The following ZRANB1 variants were observed in gnomAD, a reference collection of about 807,000 sequenced individuals.
ZRANB1 encodes the protein zinc finger RANBP2-type containing 1, also known as ubiquitin thioesterase ZRANB1.
Under a neutral mutation model 80.5 loss-of-function variants are expected in ZRANB1, and 16 were observed. The ratio of observed to expected loss-of-function variants is 0.20; its 90% confidence interval spans 0.13 to 0.30. The LOEUF is 0.30. Among genes scored for constraint, ZRANB1 ranks in the 10% least tolerant of loss-of-function variants. The pLI, the probability that ZRANB1 is intolerant of heterozygous loss-of-function variation, is 1.00. For synonymous variants in ZRANB1, 291 were observed against 293.1 expected, an observed-to-expected ratio of 0.99 and a Z score of 0.07; for missense variants, 576 against 862.6, an observed-to-expected ratio of 0.67 and a Z score of 4.16.
At chr10:124,918,489 TGA>T in the ZRANB1 span, among the ~76,000 whole-genome samples, 2 of 152,250 alleles carry the variant, frequency 1.3e-5, no homozygotes, top group African/African-American at 4.8e-5. Context: ...GCGCTTGGCC[TGA>T]GAGAAATCTT....
At chr10:124,940,257 C>T (rs779687664), upstream of ZRANB1, among the ~76,000 whole-genome samples, 6 of 152,136 alleles carry the variant, frequency 3.9e-5, no homozygotes, top group Non-Finnish European at 7.4e-5. Flanking sequence ...TATAGTTGTC[C>T]ATTGTTAAAA....
At chr10:124,971,145 G>A (rs1483211688) in intron 2 of ZRANB1, among the ~76,000 whole-genome samples, 1 of 152,038 alleles carries the variant, frequency 6.6e-6, no homozygotes, top group African/African-American at 2.4e-5. Context: ...TTTGTTACTC[G>A]CAGATGCTCA....
chr10:124,978,247 A>G (rs76810485), intron 5 of ZRANB1, among the ~76,000 whole-genome samples: 12,408 of 152,208 alleles, frequency 0.082, 699 homozygotes, highest in Admixed American at 0.16. Context: ...TGGGTTTTCT[A>G]GGCCAGGAGA....
chr10:124,950,229 A>G (rs1337306712), intron 1 of ZRANB1, among the ~76,000 whole-genome samples: 3 of 152,030 alleles, frequency 2.0e-5, no homozygotes, highest in Admixed American at 6.6e-5. Flanking sequence ...GGCTCAAGCA[A>G]TTCTCCTACC....
intron 1 of ZRANB1, among the ~76,000 whole-genome samples, chr10:124,963,658 G>A (rs541123658): frequency 2.8e-5 from 4 of 142,988 alleles, no homozygotes; most frequent in Admixed American, 7.6e-5. Context: ...AATTATATGC[G>A]TATGGGCCAA....
At chr10:124,961,030 C>T (rs1331986276) in intron 1 of ZRANB1, among the ~76,000 whole-genome samples, 1 of 150,430 alleles carries the variant, frequency 6.6e-6, no homozygotes, top group South Asian at 2.1e-4. Flanking sequence ...GACAGAGTTT[C>T]GCTCTTTGTT....
intron 5 of ZRANB1, among the ~76,000 whole-genome samples, chr10:124,979,156 A>G (rs140446182): frequency 5.0e-4 from 76 of 152,302 alleles, no homozygotes; most frequent in Non-Finnish European, 9.4e-4. Context: ...CATTGCTGAT[A>G]GCAACGAAAA....
chr10:124,952,816 G>A (rs1280196512), intron 1 of ZRANB1, among the ~76,000 whole-genome samples: 3 of 152,160 alleles, frequency 2.0e-5, no homozygotes, highest in African/African-American at 7.2e-5. Flanking sequence ...CACCATGTTG[G>A]CCAGGCTAGT....
chr10:124,927,613 G>A, the ZRANB1 span, among the ~76,000 whole-genome samples: 1 of 152,274 alleles, frequency 6.6e-6, no homozygotes, highest in Non-Finnish European at 1.5e-5. Flanking sequence ...TTAACTAAAT[G>A]ATTAATAAGC....
the ZRANB1 span, among the ~76,000 whole-genome samples, chr10:124,930,565 C>G: frequency 6.6e-6 from 1 of 152,180 alleles, no homozygotes; most frequent in Non-Finnish European, 1.5e-5. Flanking sequence ...GGTACCTGAC[C>G]TGGTACATTT....
the ZRANB1 span, among the ~76,000 whole-genome samples, chr10:124,932,638 TAGTGTC>T: frequency 6.6e-6 from 1 of 152,082 alleles, no homozygotes; most frequent in African/African-American, 2.4e-5. Flanking sequence ...TAGCATTTGT[TAGTGTC>T]AGTGTTTTGG....
At chr10:124,969,556 A>G (rs901948584) in intron 2 of ZRANB1, among the ~76,000 whole-genome samples, 6 of 152,186 alleles carry the variant, frequency 3.9e-5, no homozygotes, top group Admixed American at 2.6e-4. Context: ...GTCATGGACC[A>G]TGTTGGTAGT....
the ZRANB1 span, among the ~76,000 whole-genome samples, chr10:124,931,158 A>G: frequency 6.6e-6 from 1 of 151,804 alleles, no homozygotes. Context: ...TCACTGCAGC[A>G]TTGACCTTCC....
At chr10:124,931,959 G>A in the ZRANB1 span, among the ~76,000 whole-genome samples, 1 of 152,110 alleles carries the variant, frequency 6.6e-6, no homozygotes, top group Non-Finnish European at 1.5e-5. Context: ...AAACTCCTCT[G>A]TGCTCTTCCT....
At chr10:124,976,867 T>A (rs545903181) in intron 5 of ZRANB1, among the ~76,000 whole-genome samples, 1 of 151,958 alleles carries the variant, frequency 6.6e-6, no homozygotes, top group African/African-American at 2.4e-5. Context: ...CCACCGCGCC[T>A]GGCCTTTTCT....
the ZRANB1 span, chr10:124,917,157 GCGGGCTGC>G: frequency 5.9e-6 from 1 of 170,854 alleles, no homozygotes; most frequent in Non-Finnish European, 1.2e-5. Flanking sequence ...ACTCGTAGCC[GCGGGCTGC>G]GCGGGGAGTC....
In ZRANB1 at chr10:124,943,056, C is replaced by T. The variant is rs367905672; in HGVS notation, c.563C>T (p.Thr188Ile). The part of the protein sequence containing the change: ...NNIEAIELAE[T>I]EEASSIINEQ... ...ATTGAAGCAATAGAATTGGCAGAGA[C>T]TGAAGAGGCTTCTTCAATAATAAAT... Residue 188 changes from threonine (T) to isoleucine (I), a missense_variant, in exon 1 of 9, where the codon ACT becomes ATT. This residue lies in a region of ZRANB1 where 411 missense variants were observed against 583.1 expected (regional missense o/e 0.70). Coordinates refer to ENST00000359653, the MANE Select transcript of ZRANB1 (RefSeq NM_017580.3). 1.2e-6 allele frequency: 2 copies of T among 1,614,066 alleles called. No homozygotes were observed. The highest frequency in any genetic ancestry group is 1.7e-6 in the Non-Finnish European group (2 of 1,180,038).
chr10:124,969,830 A>G (rs1261214056), intron 2 of ZRANB1, among the ~76,000 whole-genome samples: 3 of 152,208 alleles, frequency 2.0e-5, no homozygotes, highest in African/African-American at 4.8e-5. Context: ...CTCCCAGCCT[A>G]CGGAGATGGT....
intron 5 of ZRANB1, among the ~76,000 whole-genome samples, chr10:124,975,306 T>G (rs550254646): frequency 6.6e-6 from 1 of 152,322 alleles, no homozygotes; most frequent in Non-Finnish European, 1.5e-5. Flanking sequence ...CTGCTCCATG[T>G]CTCCATACAG....
Sources: gnomAD v4.1 joint callset for allele counts (sites outside exome capture counted in the v4.1 genomes callset) on GRCh38, gnomAD v4.1.1 for gene constraint, gnomAD v4.1.1 regional missense constraint, MANE v1.5 for transcripts, NCBI Gene and HGNC (gene_info 2026-07-23, HGNC 2026-07-21) for gene names.